SLC9B1: variants seen among roughly 807,000 people sequenced by gnomAD.
SLC9B1 encodes the protein solute carrier family 9 member B1.
A neutral mutation model predicts 51.7 loss-of-function variants in SLC9B1; 32 were observed. That is an observed-to-expected ratio of 0.62 (90% CI 0.47 to 0.83). The LOEUF is 0.83. SLC9B1 is among the 40% of genes least tolerant of loss of function. The pLI, the probability that SLC9B1 is intolerant of heterozygous loss-of-function variation, is 0.00. For synonymous variants in SLC9B1, 145 were observed against 212.7 expected, an observed-to-expected ratio of 0.68 and a Z score of 2.77; for missense variants, 406 against 613.2, an observed-to-expected ratio of 0.66 and a Z score of 3.57.
chr4:103,003,159 T>G (rs1376394698), intron 1 of SLC9B1, among the ~76,000 whole-genome samples: 1 of 152,204 alleles, frequency 6.6e-6, no homozygotes, highest in African/African-American at 2.4e-5. Flanking sequence ...CACACTTGGA[T>G]AATTCATCTA....
At chr4:102,993,337 C>T (rs114784862) in intron 1 of SLC9B1, among the ~76,000 whole-genome samples, 136 of 152,268 alleles carry the variant, frequency 8.9e-4, no homozygotes, top group African/African-American at 3.1e-3. Flanking sequence ...CATGCAAGTC[C>T]GAAATCCAAT....
intron 3 of SLC9B1, among the ~76,000 whole-genome samples, chr4:102,988,609 A>G (rs2110516679): frequency 6.6e-6 from 1 of 152,210 alleles, no homozygotes; most frequent in South Asian, 2.1e-4. Context: ...TTTGTGTATA[A>G]AGGAAACAGT....
intron 3 of SLC9B1, among the ~76,000 whole-genome samples, chr4:102,977,457 T>G (rs1317465713): frequency 1.3e-5 from 2 of 152,182 alleles, no homozygotes; most frequent in East Asian, 3.8e-4. Flanking sequence ...TGCTTGTAGT[T>G]GAGGGTAGAT....
intron 7 of SLC9B1, among the ~76,000 whole-genome samples, chr4:102,917,495 C>CTATATCTATAT (rs1560925729): frequency 1.6e-5 from 2 of 128,202 alleles, no homozygotes; most frequent in African/African-American, 2.7e-5. Flanking sequence ...ATCTATATCT[C>CTATATCTATAT]CTATTGGTTC....
chr4:103,015,335 G>T (rs1031650071), intron 1 of SLC9B1, among the ~76,000 whole-genome samples: 2 of 151,518 alleles, frequency 1.3e-5, no homozygotes, highest in African/African-American at 4.9e-5. Flanking sequence ...TGACCAGAAG[G>T]GTAGGTAGGT....
chr4:102,941,731 C>A (rs1448103596), intron 6 of SLC9B1, among the ~76,000 whole-genome samples: 1 of 150,702 alleles, frequency 6.6e-6, no homozygotes, highest in African/African-American at 2.4e-5. Context: ...TGAAAGCATT[C>A]CCCCGAGAAC....
At chr4:102,972,310 TC>T (rs1349543515) in intron 3 of SLC9B1, among the ~76,000 whole-genome samples, 1 of 152,206 alleles carries the variant, frequency 6.6e-6, no homozygotes, top group Non-Finnish European at 1.5e-5. Context: ...GTCGGCTTCA[TC>T]CCTGGGATGC....
chr4:102,935,276 AAAC>A (rs1206651811), intron 6 of SLC9B1, among the ~76,000 whole-genome samples: 2 of 152,216 alleles, frequency 1.3e-5, no homozygotes, highest in Non-Finnish European at 2.9e-5. Context: ...ATGCAAATTA[AAAC>A]AACAAAAATA....
chr4:102,925,449 G>A (rs1318571655), intron 7 of SLC9B1, among the ~76,000 whole-genome samples: 1 of 152,026 alleles, frequency 6.6e-6, no homozygotes, highest in East Asian at 1.9e-4. Context: ...TATATCTAAT[G>A]TAAATGACGA....
intron 2 of SLC9B1, 115 bp from the exon 3 acceptor site, chr4:102,990,056 T>A (rs995260485): frequency 4.0e-5 from 33 of 834,638 alleles, no homozygotes; most frequent in South Asian, 3.7e-4. Context: ...ATGCGAGGAA[T>A]CACAGATACA....
chr4:103,019,161 G>T (rs1741598071), intron 1 of SLC9B1, among the ~76,000 whole-genome samples: 1 of 152,092 alleles, frequency 6.6e-6, no homozygotes, highest in African/African-American at 2.4e-5. Flanking sequence ...GGATGTGGGT[G>T]GGTGGGGGAA....
chr4:102,968,939 G>A (rs1234981631), intron 3 of SLC9B1, among the ~76,000 whole-genome samples: 1 of 152,200 alleles, frequency 6.6e-6, no homozygotes, highest in Non-Finnish European at 1.5e-5. Context: ...TGCTAGCGCA[G>A]CAGTCCGAGA....
chr4:102,939,328 G>A (rs1223163948), intron 6 of SLC9B1, among the ~76,000 whole-genome samples: 2 of 135,136 alleles, frequency 1.5e-5, no homozygotes, highest in African/African-American at 5.5e-5. Context: ...TCCCAAGATT[G>A]AACTAGGAAG....
At chr4:102,949,099 T>C (rs1291345417) in intron 4 of SLC9B1, among the ~76,000 whole-genome samples, 158 bp downstream of exon 4, 2 of 152,026 alleles carry the variant, frequency 1.3e-5, no homozygotes, top group Non-Finnish European at 2.9e-5. Context: ...ATAAAGGAGC[T>C]GTACACACAC....
At chr4:102,895,658 G>A (rs990305518) in intron 11 of SLC9B1, among the ~76,000 whole-genome samples, 4 of 152,052 alleles carry the variant, frequency 2.6e-5, no homozygotes, top group East Asian at 1.9e-4. Context: ...TTGATAACAC[G>A]AAGGCCAATG....
chr4:103,000,810 G>A (rs1323253894), intron 1 of SLC9B1, among the ~76,000 whole-genome samples: 3 of 152,216 alleles, frequency 2.0e-5, no homozygotes, highest in Non-Finnish European at 4.4e-5. Context: ...GGGGCATGGT[G>A]CAAGCTGTCA....
intron 1 of SLC9B1, among the ~76,000 whole-genome samples, chr4:103,014,639 T>C (rs1578422076): frequency 6.6e-6 from 1 of 152,320 alleles, no homozygotes; most frequent in East Asian, 1.9e-4. Flanking sequence ...CCTAACATAG[T>C]ATATAGTAGA....
At chr4:103,012,730 A>T (rs1330213028) in intron 1 of SLC9B1, among the ~76,000 whole-genome samples, 1 of 152,186 alleles carries the variant, frequency 6.6e-6, no homozygotes, top group African/African-American at 2.4e-5. Context: ...ATCCAAGATT[A>T]AGGTTCAGTC....
chr4:102,951,891 G>C (rs927208008), intron 3 of SLC9B1, among the ~76,000 whole-genome samples: 1 of 140,592 alleles, frequency 7.1e-6, no homozygotes, highest in Non-Finnish European at 1.5e-5. Context: ...TTCTAATCAG[G>C]ATTAAGTAAA....
Sources: gnomAD v4.1 joint callset for allele counts (sites outside exome capture counted in the v4.1 genomes callset) on GRCh38, gnomAD v4.1.1 for gene constraint, MANE v1.5 for transcripts, NCBI Gene and HGNC (gene_info 2026-07-23, HGNC 2026-07-21) for gene names.